IPO11: variants seen among roughly 807,000 people sequenced by gnomAD.
The protein encoded by IPO11 is importin 11, also known as importin-11.
A neutral mutation model predicts 143.2 loss-of-function variants in IPO11; 66 were observed. The observed-to-expected ratio is 0.46, with a 90% CI of 0.38 to 0.57. The LOEUF is 0.57. IPO11 is among the 20% of genes least tolerant of loss of function. The pLI is 0.00. For synonymous variants in IPO11, 385 were observed against 377.8 expected (o/e 1.02, Z -0.22); for missense variants, 1,026 against 1,141.0 (o/e 0.90, Z 1.45).
intron 12 of IPO11, 43 bp from the exon 13 acceptor site, chr5:62,487,728 A>G (rs747266241): frequency 4.0e-6 from 6 of 1,504,890 alleles, no homozygotes; most frequent in Non-Finnish European, 5.3e-6. Context: ...TCAATATAGT[A>G]TGCAACTGTT....
chr5:62,469,336 A>G lies in IPO11; in HGVS notation c.650-914A>G, dbSNP rs144033036. On this transcript the variant is annotated intron_variant, in intron 6 of 29. Transcript: ENST00000325324. ...ATGATGATTTCAAACTGAAGGTCTT[A>G]TAGACAGCTACATTCTAAACTTAAT... 3.2e-3 allele frequency among the ~76,000 whole-genome samples: 493 copies of G among 152,348 alleles called. 14 individuals are homozygous for G. The highest frequency in any genetic ancestry group is 0.028 in the Admixed American group (423 of 15,296).
chr5:62,427,456 C>T (rs1743798453), intron 1 of IPO11, among the ~76,000 whole-genome samples: 1 of 152,158 alleles, frequency 6.6e-6, no homozygotes, highest in Non-Finnish European at 1.5e-5. Flanking sequence ...TGTCATAGGG[C>T]AGGTGTCCCC....
chr5:62,598,669 C>T (rs563502005), intron 28 of IPO11, among the ~76,000 whole-genome samples: 4 of 150,232 alleles, frequency 2.7e-5, no homozygotes, highest in East Asian at 2.0e-4. Context: ...CTCAGCCTCC[C>T]GAGTAGCTGG....
chr5:62,555,129 A>G (rs1743527942), intron 26 of IPO11, among the ~76,000 whole-genome samples: 1 of 151,528 alleles, frequency 6.6e-6, no homozygotes, highest in Admixed American at 6.6e-5. Context: ...TTTTTTTTCT[A>G]TCTCTTTGAA....
intron 16 of IPO11, among the ~76,000 whole-genome samples, chr5:62,498,031 G>T (rs201101303): frequency 8.6e-4 from 128 of 148,238 alleles, no homozygotes; most frequent in East Asian, 3.5e-3. Context: ...TTTTTTTTTT[G>T]TTGTTGTTGT....
At chr5:62,501,868 T>G (rs1741358509) in intron 16 of IPO11, among the ~76,000 whole-genome samples, 1 of 152,194 alleles carries the variant, frequency 6.6e-6, no homozygotes, top group African/African-American at 2.4e-5. Flanking sequence ...TGTGTCTGCC[T>G]TATTTACATT....
intron 3 of IPO11, among the ~76,000 whole-genome samples, chr5:62,449,389 A>G (rs1173223558): frequency 6.6e-6 from 1 of 152,180 alleles, no homozygotes; most frequent in Non-Finnish European, 1.5e-5. Flanking sequence ...TTGATTTCTG[A>G]TAAGTCACCC....
intron 9 of IPO11, among the ~76,000 whole-genome samples, 161 bp downstream of exon 9, chr5:62,476,914 G>A (rs1745978933): frequency 6.6e-6 from 1 of 152,058 alleles, no homozygotes. Context: ...ATGTACTTTA[G>A]AATGCATATA....
intron 1 of IPO11, among the ~76,000 whole-genome samples, chr5:62,421,034 T>C (rs1004569625): frequency 1.3e-5 from 2 of 152,216 alleles, no homozygotes; most frequent in Non-Finnish European, 2.9e-5. Context: ...CTTGCCAGCA[T>C]TGAATATTTT....
In IPO11 at chr5:62,440,792, G is replaced by A. The variant is rs923507874; in HGVS notation, c.139-2191G>A. Among the ~76,000 whole-genome samples the A allele has an allele frequency of 7.9e-5, 12 of 152,064 alleles. No individual in the cohort carries two copies. The East Asian group carries it at 1.6e-3, about 20-fold the overall frequency. On this transcript the variant is annotated intron_variant, in intron 2 of 29. Transcript: ENST00000325324. ...CACCTGGCCAACATGGTGAAAGCCC[G>A]TCTTTGCTAAAAACACAAAAATTAG...
intron 27 of IPO11, chr5:62,580,275 AC>A: frequency 1.9e-6 from 3 of 1,540,396 alleles, no homozygotes; most frequent in Non-Finnish European, 2.6e-6. Context: ...ATAATCTTAA[AC>A]ATTTGATCTT....
chr5:62,598,383 GCTTGCTTGC>G lies in IPO11; in HGVS notation c.2679-3380_2679-3372del, dbSNP rs2112440356. ...GAAACGACCCATAAATTGTTTGCTTGCTTGCTTGCTTTCTTTCTTTCTTTCTTTCTTTCT... is the reference window on the plus strand; with the variant it reads ...GAAACGACCCATAAATTGTTTGCTTGTTTCTTTCTTTCTTTCTTTCTTTCT... On this transcript the variant is annotated intron_variant, in intron 28 of 29. Coordinates refer to ENST00000325324, the MANE Select transcript of IPO11 (RefSeq NM_016338.5). Among the ~76,000 whole-genome samples the G allele has an allele frequency of 2.2e-4, 6 of 27,346 alleles. 3 individuals are homozygous for G. In the East Asian group the frequency reaches 4.2e-3, roughly 19 times the overall value. 17.9% of individuals were successfully genotyped at this position (27,346 alleles called of 152,430 possible).
chr5:62,515,480 A>C lies in IPO11; in HGVS notation c.1875A>C (p.Thr625=). Residue 625 remains threonine (T), a synonymous_variant, in exon 20 of 30, where the codon ACA becomes ACC. Transcript: ENST00000325324. ...EHNMLRCAIL[T]TLIHLVQGLG... ...ATATGTTGAGATGTGCTATTTTGAC[A>C]ACACTTATTCATCTTGTTCAGGTAA... The C allele has an allele frequency of 6.2e-7, 1 of 1,605,866 alleles. No individual in the cohort carries two copies. The highest frequency in any genetic ancestry group is 8.5e-7 in the Non-Finnish European group (1 of 1,176,750).
At chr5:62,533,667 G>A (rs1742635077) in intron 22 of IPO11, among the ~76,000 whole-genome samples, 1 of 152,074 alleles carries the variant, frequency 6.6e-6, no homozygotes, top group East Asian at 1.9e-4. Flanking sequence ...AGTATGATAG[G>A]TATTATATTT....
intron 5 of IPO11, among the ~76,000 whole-genome samples, chr5:62,460,904 G>T (rs1745338356): frequency 6.6e-6 from 1 of 152,124 alleles, no homozygotes; most frequent in Admixed American, 6.5e-5. Flanking sequence ...CTGTAAGCAT[G>T]TATCAGTTGG....
intron 29 of IPO11, among the ~76,000 whole-genome samples, chr5:62,623,645 CTTTTTTTTTT>C (rs34547621): frequency 3.0e-5 from 4 of 134,270 alleles, no homozygotes; most frequent in African/African-American, 5.5e-5. Context: ...TCTTCTTTTT[CTTTTTTTTTT>C]TTTTTTTTAA....
At chr5:62,525,712 T>C (rs189547925) in intron 20 of IPO11, among the ~76,000 whole-genome samples, 29 of 152,348 alleles carry the variant, frequency 1.9e-4, no homozygotes, top group Admixed American at 1.7e-3. Context: ...GGCTTTTCAA[T>C]ATTCTTGAAT....
chr5:62,513,570 G>A (rs930147474), intron 19 of IPO11, among the ~76,000 whole-genome samples: 2 of 144,698 alleles, frequency 1.4e-5, no homozygotes, highest in Non-Finnish European at 3.1e-5. Context: ...CCCGGACGGG[G>A]CGGCTGGCTG....
intron 1 of IPO11, among the ~76,000 whole-genome samples, chr5:62,435,134 A>ATGTATATATG (rs1744148834): frequency 1.1e-5 from 1 of 91,288 alleles, no homozygotes; most frequent in African/African-American, 6.2e-5. Context: ...ATGTATATAT[A>ATGTATATATG]TGTATATATG....
Sources: allele counts gnomAD v4.1 joint callset (sites outside exome capture counted in the v4.1 genomes callset), GRCh38; gene constraint gnomAD v4.1.1; transcripts MANE v1.5; gene names NCBI Gene and HGNC (gene_info 2026-07-23, HGNC 2026-07-21).